Variants in PDE4B observed in about 807,000 individuals in gnomAD.
PDE4B encodes the protein phosphodiesterase 4B, also known as 3',5'-cyclic-AMP phosphodiesterase 4B.
PDE4B carries 20 observed loss-of-function variants against 82.2 expected under a neutral mutation model. The ratio of observed to expected loss-of-function variants is 0.24; its 90% CI spans 0.17 to 0.35. The LOEUF is 0.35. Ranked by LOEUF, PDE4B falls within the 10% of genes least tolerant of loss-of-function variation. The pLI, the probability that PDE4B is intolerant of heterozygous loss-of-function variation, is 1.00. For synonymous variants in PDE4B, 320 were observed against 318.9 expected (o/e 1.00, Z -0.04); for missense variants, 655 against 907.2 (o/e 0.72, Z 3.57).
chr1:66,060,493 T>C (rs761385942), intron 3 of PDE4B, among the ~76,000 whole-genome samples: 8 of 152,206 alleles, frequency 5.3e-5, no homozygotes, highest in African/African-American at 9.6e-5. Flanking sequence ...TTGTCCAAAC[T>C]GTTTACACGT....
chr1:66,277,236 A>G (rs993370354), intron 7 of PDE4B, among the ~76,000 whole-genome samples: 2 of 152,200 alleles, frequency 1.3e-5, no homozygotes, highest in Non-Finnish European at 2.9e-5. Flanking sequence ...ACGCAGCCAC[A>G]GAGACTGAGA....
chr1:66,101,338 T>C (rs1478136876), intron 3 of PDE4B, among the ~76,000 whole-genome samples: 2 of 152,192 alleles, frequency 1.3e-5, no homozygotes, highest in Non-Finnish European at 2.9e-5. Flanking sequence ...ATCCTTTGGG[T>C]ATATGTCCAG....
chr1:65,918,356 T>A (rs1489337051), intron 2 of PDE4B, among the ~76,000 whole-genome samples: 1 of 152,154 alleles, frequency 6.6e-6, no homozygotes. Flanking sequence ...CTAGTAAACA[T>A]TATCTATATG....
intron 8 of PDE4B, among the ~76,000 whole-genome samples, chr1:66,339,013 C>T (rs1405165701): frequency 1.5e-5 from 2 of 129,678 alleles, no homozygotes; most frequent in African/African-American, 3.5e-5. Flanking sequence ...AGCGAGACTC[C>T]GTCTCAAAAA....
At chr1:66,312,701 A>C (rs1487415582) in intron 7 of PDE4B, among the ~76,000 whole-genome samples, 1 of 152,160 alleles carries the variant, frequency 6.6e-6, no homozygotes, top group Non-Finnish European at 1.5e-5. Flanking sequence ...AGGATCTCAA[A>C]ATTTCTCTAT....
intron 8 of PDE4B, among the ~76,000 whole-genome samples, chr1:66,350,099 A>T (rs1324383713): frequency 6.6e-6 from 1 of 151,986 alleles, no homozygotes. Context: ...CACAGAATGC[A>T]CTGAAGGCAT....
At chr1:66,330,170 C>T (rs1292519350) in intron 7 of PDE4B, among the ~76,000 whole-genome samples, 1 of 152,212 alleles carries the variant, frequency 6.6e-6, no homozygotes, top group Non-Finnish European at 1.5e-5. Context: ...TCTAGCCTAA[C>T]TAACATTGCT....
intron 1 of PDE4B, among the ~76,000 whole-genome samples, chr1:65,827,261 A>T (rs1165327251): frequency 6.6e-6 from 1 of 150,588 alleles, no homozygotes; most frequent in Non-Finnish European, 1.5e-5. Context: ...ATTACAAGGA[A>T]TACAAAAATG....
chr1:65,853,771 G>A (rs188253243), intron 1 of PDE4B, among the ~76,000 whole-genome samples: 4 of 152,024 alleles, frequency 2.6e-5, no homozygotes, highest in African/African-American at 7.2e-5. Context: ...CTCGTGATCC[G>A]CCCACCTCAG....
chr1:65,989,007 G>T (rs541721321), intron 3 of PDE4B, among the ~76,000 whole-genome samples: 69 of 151,966 alleles, frequency 4.5e-4, no homozygotes, highest in Non-Finnish European at 9.6e-4. Flanking sequence ...AATATTTTTG[G>T]CTGTAATTAA....
chr1:66,115,009 A>G (rs1180215085), intron 3 of PDE4B, among the ~76,000 whole-genome samples: 1 of 152,212 alleles, frequency 6.6e-6, no homozygotes, highest in Non-Finnish European at 1.5e-5. Context: ...AATCCAATTT[A>G]TTCTTGAGAA....
rs142906206 is a variant in PDE4B, at chr1:66,227,214, G to A, written c.282-20246G>A. Among the ~76,000 whole-genome samples the A allele has an allele frequency of 4.6e-5, 7 of 152,334 alleles. No individual in the cohort carries two copies. The East Asian group carries it at 1.3e-3, about 29-fold the overall frequency. ...AGTTGTGTAGGCACTGGATATATGA[G>A]TCACTGCATCCATTTACATTACCCC... On this transcript the variant is annotated intron_variant, in intron 3 of 16. Coordinates refer to ENST00000341517, the MANE Select transcript of PDE4B (RefSeq NM_002600.4).
At chr1:65,836,616 CT>C (rs146644443) in intron 1 of PDE4B, among the ~76,000 whole-genome samples, 6 of 151,592 alleles carry the variant, frequency 4.0e-5, no homozygotes, top group Non-Finnish European at 7.4e-5. Flanking sequence ...TCTCTGACAG[CT>C]TTTTTTTTCC....
chr1:66,031,476 G>T (rs1653772855), intron 3 of PDE4B, among the ~76,000 whole-genome samples: 1 of 152,160 alleles, frequency 6.6e-6, no homozygotes, highest in African/African-American at 2.4e-5. Context: ...AAATATTTCA[G>T]TGACCCATAT....
At chr1:65,996,908 C>T (rs1411880553) in intron 3 of PDE4B, among the ~76,000 whole-genome samples, 1 of 152,122 alleles carries the variant, frequency 6.6e-6, no homozygotes, top group East Asian at 1.9e-4. Flanking sequence ...AGTATTTATC[C>T]CCAATCCCAC....
chr1:66,083,704 TA>T (rs1275853303), intron 3 of PDE4B, among the ~76,000 whole-genome samples: 1 of 152,126 alleles, frequency 6.6e-6, no homozygotes, highest in Non-Finnish European at 1.5e-5. Flanking sequence ...AACCTTAAAT[TA>T]TCTCCATAAC....
At chr1:65,900,787 A>G (rs771946364) in intron 1 of PDE4B, among the ~76,000 whole-genome samples, 3 of 151,910 alleles carry the variant, frequency 2.0e-5, no homozygotes, top group Admixed American at 1.3e-4. Flanking sequence ...AAATGCTACT[A>G]ATTTTTGTAC....
At chr1:66,321,532 G>A (rs1401217021) in intron 7 of PDE4B, among the ~76,000 whole-genome samples, 1 of 152,094 alleles carries the variant, frequency 6.6e-6, no homozygotes, top group South Asian at 2.1e-4. Context: ...CACAGTTCTG[G>A]AAGCTGGGAA....
intron 1 of PDE4B, among the ~76,000 whole-genome samples, chr1:65,907,833 GATGAGT>G (rs2100442353): frequency 6.6e-6 from 1 of 152,272 alleles, no homozygotes; most frequent in South Asian, 2.1e-4. Context: ...TCTAAAAGGA[GATGAGT>G]AGGACTTTTC....
Sources: allele counts gnomAD v4.1 joint callset (sites outside exome capture counted in the v4.1 genomes callset), GRCh38; gene constraint gnomAD v4.1.1; transcripts MANE v1.5; gene names NCBI Gene and HGNC (gene_info 2026-07-23, HGNC 2026-07-21).